The following AKAP19 variants were observed in gnomAD, a reference collection of about 807,000 sequenced individuals.
The protein encoded by AKAP19 is small A-kinase anchoring protein.
chr2:190,200,122 C>A, the AKAP19 span: 2 of 1,613,944 alleles, frequency 1.2e-6, no homozygotes, highest in Non-Finnish European at 1.7e-6. Flanking sequence ...CCATGACATT[C>A]CATACATTGA....
chr2:190,067,922 C>CCAGGCA, the AKAP19 span, among the ~76,000 whole-genome samples: 7 of 152,122 alleles, frequency 4.6e-5, no homozygotes, highest in African/African-American at 1.7e-4. Flanking sequence ...ATACTAGGGG[C>CCAGGCA]CAGGCACGGT....
At chr2:190,022,189 A>T in the AKAP19 span, among the ~76,000 whole-genome samples, 1 of 152,132 alleles carries the variant, frequency 6.6e-6, no homozygotes, top group African/African-American at 2.4e-5. Flanking sequence ...TGGGGATTAA[A>T]TTTCAACATG....
chr2:190,196,481 T>C, the AKAP19 span, among the ~76,000 whole-genome samples: 10 of 151,972 alleles, frequency 6.6e-5, no homozygotes, highest in African/African-American at 9.7e-5. Context: ...AAATAGCTAC[T>C]TTAAAGTTCT....
At chr2:189,951,495 G>A in the AKAP19 span, among the ~76,000 whole-genome samples, 4 of 152,232 alleles carry the variant, frequency 2.6e-5, no homozygotes, top group East Asian at 1.9e-4. Flanking sequence ...AAGCCACTGC[G>A]CCCAGCTGAA....
chr2:189,967,686 C>T, the AKAP19 span, among the ~76,000 whole-genome samples: 8 of 151,868 alleles, frequency 5.3e-5, no homozygotes, highest in Non-Finnish European at 8.8e-5. Flanking sequence ...CAGTGGTGCA[C>T]ACCTGTAGTC....
At chr2:189,881,478 A>G in the AKAP19 span, among the ~76,000 whole-genome samples, 3 of 152,208 alleles carry the variant, frequency 2.0e-5, no homozygotes, top group Non-Finnish European at 4.4e-5. Context: ...AAGGGGAGGA[A>G]GGCAGAAAAA....
chr2:190,200,907 A>C, the AKAP19 span: 1 of 167,062 alleles, frequency 6.0e-6, no homozygotes, highest in Non-Finnish European at 1.5e-5. Context: ...TAAATCTTAA[A>C]AATAACAGAA....
At chr2:189,985,998 C>A in the AKAP19 span, among the ~76,000 whole-genome samples, 1 of 152,078 alleles carries the variant, frequency 6.6e-6, no homozygotes, top group African/African-American at 2.4e-5. Context: ...CTTTTATGAA[C>A]CCATAAAAAT....
chr2:189,978,426 G>A, the AKAP19 span, among the ~76,000 whole-genome samples: 2 of 152,214 alleles, frequency 1.3e-5, no homozygotes, highest in South Asian at 4.1e-4. Flanking sequence ...TTCAAGACCA[G>A]CCTGGCCAAC....
the AKAP19 span, among the ~76,000 whole-genome samples, chr2:190,063,229 A>T: frequency 6.6e-6 from 1 of 152,126 alleles, no homozygotes; most frequent in African/African-American, 2.4e-5. Context: ...AAAAGTTAAG[A>T]TTATGATACT....
chr2:190,088,620 GA>G, the AKAP19 span, among the ~76,000 whole-genome samples: 15 of 150,584 alleles, frequency 1.0e-4, 1 homozygote, highest in East Asian at 7.7e-4. Flanking sequence ...AAAGGCTAAA[GA>G]AAAAAAAAGT....
At chr2:190,123,763 A>T in the AKAP19 span, among the ~76,000 whole-genome samples, 2 of 152,214 alleles carry the variant, frequency 1.3e-5, no homozygotes, top group African/African-American at 4.8e-5. Flanking sequence ...CTGGTAAAGC[A>T]TTATTTTTGG....
At chr2:189,919,152 T>C in the AKAP19 span, among the ~76,000 whole-genome samples, 244 of 152,296 alleles carry the variant, frequency 1.6e-3, no homozygotes, top group African/African-American at 5.8e-3. Context: ...ATATCCTCTG[T>C]GGACAGGGGG....
chr2:190,053,520 G>A, the AKAP19 span, among the ~76,000 whole-genome samples: 24 of 152,116 alleles, frequency 1.6e-4, 1 homozygote, highest in Admixed American at 1.4e-3. Flanking sequence ...TTCATTGCTC[G>A]ACATCTTACT....
chr2:190,057,142 A>T, the AKAP19 span: 3 of 1,074,548 alleles, frequency 2.8e-6, no homozygotes, highest in Non-Finnish European at 4.1e-6. Flanking sequence ...GCTTATGCTT[A>T]AGTGACTGTA....
the AKAP19 span, among the ~76,000 whole-genome samples, chr2:189,938,054 G>A: frequency 6.6e-6 from 1 of 152,006 alleles, no homozygotes; most frequent in Non-Finnish European, 1.5e-5. Flanking sequence ...GTGGTACTTA[G>A]GCCAGGTGCG....
the AKAP19 span, among the ~76,000 whole-genome samples, chr2:189,897,793 AAAT>A: frequency 1.3e-5 from 2 of 152,228 alleles, no homozygotes; most frequent in Non-Finnish European, 2.9e-5. Flanking sequence ...TTGAATAAAC[AAAT>A]AATCTTTATT....
chr2:190,063,267 G>T, the AKAP19 span, among the ~76,000 whole-genome samples: 1 of 152,036 alleles, frequency 6.6e-6, no homozygotes, highest in Non-Finnish European at 1.5e-5. Context: ...TATAATTTGA[G>T]AAACTTGTTT....
At chr2:189,958,686 C>T in the AKAP19 span, among the ~76,000 whole-genome samples, 173 of 149,954 alleles carry the variant, frequency 1.2e-3, 4 homozygotes, top group East Asian at 0.032. Context: ...ATATAAAGAA[C>T]CGAAAAAAAA....
Sources: gnomAD v4.1 joint callset for allele counts (sites outside exome capture counted in the v4.1 genomes callset) on GRCh38, gnomAD v4.1.1 for gene constraint, MANE v1.5 for transcripts, NCBI Gene and HGNC (gene_info 2026-07-23, HGNC 2026-07-21) for gene names.